Variants in RNPC3 observed in about 807,000 individuals in gnomAD.
The protein encoded by RNPC3 is RNA binding region (RNP1, RRM) containing 3, also known as RNA-binding region-containing protein 3.
RNPC3 carries 48 observed loss-of-function variants against 67.5 expected under a neutral mutation model. The observed-to-expected ratio is 0.71, with a 90% CI of 0.56 to 0.90. The LOEUF (loss-of-function observed/expected upper bound fraction) is 0.90, where lower values mean the gene tolerates loss of function less well. RNPC3 is among the 40% of genes least tolerant of loss of function. The probability of loss-of-function intolerance (pLI) is 0.00; values close to 1 mark genes in which losing one functional copy is unlikely to be tolerated. For missense variants in RNPC3, 637 were observed against 626.1 expected (o/e 1.02, Z -0.19); for synonymous variants, 239 against 210.3 (o/e 1.14, Z -1.18).
intron 13 of RNPC3, 33 bp downstream of exon 13, chr1:103,551,106 A>G: frequency 2.0e-6 from 3 of 1,523,960 alleles, no homozygotes; most frequent in South Asian, 2.5e-5. Flanking sequence ...TCAAAACTAT[A>G]TAATTTTTAG....
intron 7 of RNPC3, among the ~76,000 whole-genome samples, chr1:103,538,415 A>G (rs1651046139): frequency 6.6e-6 from 1 of 152,200 alleles, no homozygotes; most frequent in Non-Finnish European, 1.5e-5. Flanking sequence ...CCTGAGCTCA[A>G]GAACGCTATG....
chr1:103,534,420 A>G (rs1650934852), intron 3 of RNPC3, among the ~76,000 whole-genome samples: 1 of 152,080 alleles, frequency 6.6e-6, no homozygotes, highest in African/African-American at 2.4e-5. Flanking sequence ...CCAAGTGATT[A>G]TGACACACAT....
chr1:103,526,298 C>A, intron 1 of RNPC3, 36 bp downstream of exon 1: 2 of 1,481,630 alleles, frequency 1.3e-6, no homozygotes, highest in Non-Finnish European at 1.8e-6. Context: ...CCCGGGAAGG[C>A]ATTTGGGAAG....
intron 14 of RNPC3, chr1:103,553,924 A>G (rs2101055903): frequency 6.6e-6 from 1 of 152,316 alleles, no homozygotes; most frequent in East Asian, 1.9e-4. Flanking sequence ...CATAATGCCC[A>G]CTAAGGGTAG....
intron 12 of RNPC3, among the ~76,000 whole-genome samples, chr1:103,550,163 C>T (rs917053378): frequency 6.6e-6 from 1 of 151,662 alleles, no homozygotes; most frequent in Non-Finnish European, 1.5e-5. Flanking sequence ...GACTCTGTCT[C>T]AAAAATAATA....
chr1:103,534,826 A>T lies in RNPC3; in HGVS notation c.412A>T (p.Thr138Ser). 2 of 1,532,884 alleles carry T rather than the reference A, an allele frequency of 1.3e-6. No individual in the cohort carries two copies. Among genetic ancestry groups the T allele is most frequent in the Non-Finnish European group, 1.7e-6 (2 of 1,144,836 alleles). 95.0% of individuals were successfully genotyped at this position (1,532,884 alleles called of 1,614,324 possible). A position where few individuals can be genotyped will look rare whatever the true frequency, so the allele number is the denominator to read the frequency against. ...DKEKKELGYLTVENGIAPNHG... is the reference protein window; with the variant it reads ...DKEKKELGYLSVENGIAPNHG... ...AGAAAAAAAAGAACTTGGTTATTTA[A>T]CAGTAGAAAATGGAATTGCACCAAA... The change falls in exon 4 of 15, where the codon ACA becomes TCA. Residue 138 changes from threonine to serine, a missense_variant. Physicochemically the swap from Thr to Ser is moderately conservative, Grantham distance 58 (BLOSUM62 1). Coordinates refer to ENST00000423855, the MANE Select transcript of RNPC3 (RefSeq NM_017619.4).
intron 9 of RNPC3, among the ~76,000 whole-genome samples, chr1:103,543,859 A>G (rs183278639): frequency 9.9e-5 from 15 of 151,782 alleles, no homozygotes; most frequent in Non-Finnish European, 1.8e-4. Flanking sequence ...AAAAATACAT[A>G]TATATATTTT....
Position 103,530,838 on chromosome 1 carries a change from A to G in RNPC3, c.241-2901A>G, listed in dbSNP as rs1340423038. 2.0e-5 allele frequency among the ~76,000 whole-genome samples: 3 copies of G among 152,146 alleles called. No individual in the cohort carries two copies. The East Asian group carries it at 5.8e-4, about 29-fold the overall frequency. On this transcript the variant is annotated intron_variant, in intron 2 of 14. Coordinates refer to ENST00000423855, the MANE Select transcript of RNPC3 (RefSeq NM_017619.4). Reference sequence around the variant, plus strand: ...ATATATTTTGAAGGTAGAAGCAAGGATTTCTTACTGTATTTATTCCAGTAG... The same window carrying G: ...ATATATTTTGAAGGTAGAAGCAAGGGTTTCTTACTGTATTTATTCCAGTAG...
At chr1:103,541,942 C>T (rs1172283888) in intron 8 of RNPC3, among the ~76,000 whole-genome samples, 1 of 151,820 alleles carries the variant, frequency 6.6e-6, no homozygotes, top group Non-Finnish European at 1.5e-5. Context: ...TTAAAAAGTA[C>T]CCAGCAGATA....
chr1:103,549,351 T>G (rs1011918114), intron 12 of RNPC3, among the ~76,000 whole-genome samples: 19 of 152,200 alleles, frequency 1.2e-4, no homozygotes. Flanking sequence ...GCCTATGTAT[T>G]TTTTTAGATA....
At chr1:103,540,171 C>T (rs140903299) in intron 7 of RNPC3, among the ~76,000 whole-genome samples, 1,736 of 152,288 alleles carry the variant, frequency 0.011, 16 homozygotes, top group Non-Finnish European at 0.015. Context: ...CCAGCCAACA[C>T]TTTTGCTTTC....
At chr1:103,546,220 A>G (rs952187955) in intron 10 of RNPC3, 28 bp from the exon 11 acceptor site, 3 of 1,062,604 alleles carry the variant, frequency 2.8e-6, no homozygotes, top group East Asian at 3.0e-5. Context: ...TTTTAATTTT[A>G]TATCTTTGTT....
At chr1:103,548,499 CAA>C (rs1045313368) in intron 12 of RNPC3, among the ~76,000 whole-genome samples, 3 of 152,170 alleles carry the variant, frequency 2.0e-5, no homozygotes, top group Non-Finnish European at 2.9e-5. Flanking sequence ...TAAAACATAA[CAA>C]GAGTCGCCTT....
intron 13 of RNPC3, among the ~76,000 whole-genome samples, chr1:103,551,442 A>G (rs772800007): frequency 1.3e-5 from 2 of 152,210 alleles, no homozygotes; most frequent in Non-Finnish European, 2.9e-5. Flanking sequence ...TAATAACTAG[A>G]GTATATCATT....
At position 103,543,717 on chromosome 1, in the gene RNPC3, TAA is replaced by T. The variant is rs1399478099; in HGVS notation, c.1045+271_1045+272del. ...TTTGCTGATGTTTACACTAAAAATA[TAA>T]TGGAGTTTCTTTTATTGACTTTTTC... is the stretch of plus-strand genomic sequence containing the variant. On this transcript the variant is annotated intron_variant, in intron 9 of 14. Coordinates refer to ENST00000423855, the MANE Select transcript of RNPC3 (RefSeq NM_017619.4). Among the ~76,000 whole-genome samples, 13 of 151,876 alleles carry T rather than the reference TAA, an allele frequency of 8.6e-5. No individual in the cohort carries two copies. In the East Asian group the frequency reaches 2.5e-3, roughly 29 times the overall value.
chr1:103,548,156 G>T (rs1651292186), intron 12 of RNPC3, among the ~76,000 whole-genome samples: 1 of 152,190 alleles, frequency 6.6e-6, no homozygotes, highest in South Asian at 2.1e-4. Context: ...GCTGCCATGA[G>T]ACCTCTAACA....
At chr1:103,536,582 T>A (rs1650992975) in intron 6 of RNPC3, among the ~76,000 whole-genome samples, 1 of 152,220 alleles carries the variant, frequency 6.6e-6, no homozygotes, top group African/African-American at 2.4e-5. Context: ...TATGCAAATC[T>A]GTCAATAATT....
At chr1:103,545,893 T>C (rs2101050793) in intron 10 of RNPC3, 1 of 153,564 alleles carries the variant, frequency 6.5e-6, no homozygotes, top group South Asian at 2.0e-4. Flanking sequence ...TAACGGACCT[T>C]TAATAGTAGA....
In RNPC3 at chr1:103,534,043, A is replaced by G. The variant is rs568583538; in HGVS notation, c.359+186A>G. ...TTTTTGCTGCTAATTGTGCATTAGGAACCAGATTTAATATTATGGGTTAAT... is the reference window on the plus strand; with the variant it reads ...TTTTTGCTGCTAATTGTGCATTAGGGACCAGATTTAATATTATGGGTTAAT... On this transcript the variant is annotated intron_variant, in intron 3 of 14. Coordinates refer to ENST00000423855, the MANE Select transcript of RNPC3 (RefSeq NM_017619.4). 1.1e-4 allele frequency among the ~76,000 whole-genome samples: 16 copies of G among 152,104 alleles called. 1 individual carries two copies. The highest frequency in any genetic ancestry group is 3.6e-4 in the African/African-American group (15 of 41,544).
Sources: gnomAD v4.1 joint callset for allele counts (sites outside exome capture counted in the v4.1 genomes callset) on GRCh38, gnomAD v4.1.1 for gene constraint, MANE v1.5 for transcripts, NCBI Gene and HGNC (gene_info 2026-07-23, HGNC 2026-07-21) for gene names.